Variants in TASOR2 observed in about 807,000 individuals in gnomAD.
The protein encoded by TASOR2 is transcription activation suppressor family member 2.
Under a neutral mutation model 199.5 loss-of-function variants are expected in TASOR2, and 84 were observed. The observed-to-expected ratio is 0.42, with a 90% CI of 0.35 to 0.50. The LOEUF is 0.50. TASOR2 is among the 20% of genes least tolerant of loss of function. TASOR2 has a pLI of 0.02. For synonymous variants in TASOR2, 1,103 were observed against 1,046.6 expected, an observed-to-expected ratio of 1.05 and a Z score of -1.04; for missense variants, 2,796 against 2,835.9, an observed-to-expected ratio of 0.99 and a Z score of 0.32.
chr10:5,740,425 A>T lies in TASOR2; in HGVS notation c.2255A>T (p.Glu752Val). 6.2e-7 allele frequency: 1 copy of T among 1,614,166 alleles called. No individual in the cohort carries two copies. Among genetic ancestry groups the T allele is most frequent in the Non-Finnish European group, 8.5e-7 (1 of 1,180,044 alleles). ...AAGATCACTTTCAAATGTGAAACAG[A>T]ATATGCATTCAGTTTAGACAGCAAA... The change falls in exon 13 of 21, where the codon GAA becomes GTA. Residue 752 changes from glutamate (E) to valine (V), a missense_variant. Physicochemically the swap from Glu to Val is moderately radical, Grantham distance 121. Around this residue, in one of 3 missense-constraint regions of TASOR2, gnomAD observed 847 missense variants for 887.4 expected, o/e 0.95. Coordinates refer to ENST00000328090, the Ensembl canonical transcript of TASOR2. This position sits in a 1 kb window ranked among gnomAD's most constrained non-coding sequence, Gnocchi z 5.3.
intron 1 of TASOR2, among the ~76,000 whole-genome samples, chr10:5,702,681 G>A (rs1186079291): frequency 6.6e-5 from 8 of 121,618 alleles, no homozygotes; most frequent in African/African-American, 1.9e-4. Context: ...GGATAGATAC[G>A]ACAGCCAAAA....
At position 5,702,573 on chromosome 10, in the gene TASOR2, C is replaced by G. The variant is rs1838001418; in HGVS notation, c.-287-10250C>G. 2.0e-5 allele frequency among the ~76,000 whole-genome samples: 3 copies of G among 147,660 alleles called. No individual in the cohort carries two copies. The Admixed American group carries it at 2.0e-4, about 10-fold the overall frequency. On this transcript the variant is annotated intron_variant, in intron 1 of 20. Transcript: ENST00000328090. ...GAATCCAGCAGTGAAGCTATAAGGT[C>G]TTGGGCTTTTCTTTAATGGAAGAGT... is the stretch of plus-strand genomic sequence containing the variant.
At position 5,685,548 on chromosome 10, in the gene TASOR2, C is replaced by A. The variant is rs1413696668; in HGVS notation, c.-288+373C>A. 6.6e-6 allele frequency among the ~76,000 whole-genome samples: 1 copy of A among 152,184 alleles called. No homozygotes were observed. The highest frequency in any genetic ancestry group is 1.5e-5 in the Non-Finnish European group (1 of 68,030). On this transcript the variant is annotated intron_variant, in intron 1 of 20. Coordinates refer to ENST00000328090, the Ensembl canonical transcript of TASOR2. This position sits in a 1 kb window ranked among gnomAD's most constrained non-coding sequence, Gnocchi z 5.4. Reference sequence around the variant, plus strand: ...GTTTGCACCGGCTGGGAAATCATTTCCTGCGGGTTCTGCGTGAAGCCTGCT... The same window carrying A: ...GTTTGCACCGGCTGGGAAATCATTTACTGCGGGTTCTGCGTGAAGCCTGCT...
At chr10:5,691,975 T>G (rs945468467) in intron 1 of TASOR2, among the ~76,000 whole-genome samples, 4 of 152,122 alleles carry the variant, frequency 2.6e-5, no homozygotes, top group Admixed American at 2.0e-4. Flanking sequence ...GTCAGGAGTT[T>G]GAGACCAGCC....
chr10:5,707,003 CA>C (rs5782855), intron 1 of TASOR2, among the ~76,000 whole-genome samples: 11 of 147,158 alleles, frequency 7.5e-5, no homozygotes, highest in Non-Finnish European at 7.5e-5. Flanking sequence ...GACTCCGTCT[CA>C]AAAAAAAAAA....
chr10:5,747,137 A>G, exon 15 of TASOR2: 1 of 1,614,148 alleles, frequency 6.2e-7, no homozygotes, highest in Non-Finnish European at 8.5e-7. Context: ...GAACTAAGGA[A>G]GAATCACAAG....
intron 14 of TASOR2, chr10:5,744,072 G>A (rs182946347): frequency 6.6e-6 from 1 of 152,252 alleles, no homozygotes; most frequent in African/African-American, 2.4e-5. Flanking sequence ...CACTTTACCT[G>A]TAGTAAAAAT....
At chr10:5,717,074 C>T (rs187406817) in intron 2 of TASOR2, among the ~76,000 whole-genome samples, 3 of 147,694 alleles carry the variant, frequency 2.0e-5, no homozygotes, top group Admixed American at 2.0e-4. Context: ...TACAATCTTA[C>T]GATTTCATTG....
intron 14 of TASOR2, among the ~76,000 whole-genome samples, chr10:5,745,094 A>G (rs1216378451): frequency 6.6e-6 from 1 of 152,240 alleles, no homozygotes; most frequent in African/African-American, 2.4e-5. Context: ...CGACAAGGCC[A>G]TGCTTGAGGC....
rs1462211312 is a variant in TASOR2 at position 5,737,520 on chromosome 10, C to T, written c.1447+1974C>T. 6.6e-6 allele frequency among the ~76,000 whole-genome samples: 1 copy of T among 151,918 alleles called. No homozygotes were observed. Among genetic ancestry groups the T allele is most frequent in the East Asian group, 1.9e-4 (1 of 5,138 alleles). On this transcript the variant is annotated intron_variant, in intron 12 of 20. Coordinates refer to ENST00000328090, the Ensembl canonical transcript of TASOR2. This position sits in a 1 kb window ranked among gnomAD's most constrained non-coding sequence, Gnocchi z 4.9. The stretch of plus-strand genomic sequence containing the variant: ...CTGCTGTTGCCACCGTGCTCCTTCC[C>T]CTGCGGCCCTCTGTGCCTCCCCCAG...
At chr10:5,714,086 AT>A in intron 2 of TASOR2, 48 bp from the exon 3 acceptor site, 1 of 1,014,846 alleles carries the variant, frequency 9.9e-7, no homozygotes, top group Non-Finnish European at 1.3e-6. Context: ...AGATTATAGC[AT>A]TTTTTCATTG....
At chr10:5,761,547 T>G in intron 19 of TASOR2, 76 bp downstream of exon 20, 2 of 1,319,620 alleles carry the variant, frequency 1.5e-6, no homozygotes, top group East Asian at 2.3e-5. Context: ...AGATACCTGA[T>G]GAAGAGTATC....
rs1232182750 is a variant in TASOR2, at chr10:5,750,071, T to C, written c.6606+44T>C. 3 of 1,519,668 alleles carry C rather than the reference T, an allele frequency of 2.0e-6. No individual in the cohort carries two copies. The highest frequency in any genetic ancestry group is 2.6e-6 in the Non-Finnish European group (3 of 1,137,898). The allele number at this position is 1,519,668 out of a possible 1,614,324, so 94.1% of individuals were successfully genotyped here. A position where few individuals can be genotyped will look rare whatever the true frequency, so the allele number is the denominator to read the frequency against. ...CTTACGTATTATTTTAATTGCTGAT[T>C]TTAGTTTTAGAAATAATAAATTTAG... On this transcript the variant is annotated intron_variant, in intron 15 of 20. Transcript: ENST00000328090. The surrounding 1 kb of genome is among the most constrained non-coding windows in gnomAD (Gnocchi z 5.4).
chr10:5,703,133 A>T (rs1838109401), intron 1 of TASOR2, among the ~76,000 whole-genome samples: 1 of 152,198 alleles, frequency 6.6e-6, no homozygotes, highest in Admixed American at 6.5e-5. Flanking sequence ...TAATCAGTAA[A>T]TGAAAAAGGA....
exon 15 of TASOR2, chr10:5,746,584 A>G (rs751453607): frequency 3.1e-6 from 5 of 1,614,004 alleles, no homozygotes; most frequent in Non-Finnish European, 4.2e-6. Context: ...AATTACTCTC[A>G]CCTTTGAAAA....
chr10:5,737,773 T>C lies in TASOR2; in HGVS notation c.1448-1845T>C, dbSNP rs1334310689. 6.6e-6 allele frequency among the ~76,000 whole-genome samples: 1 copy of C among 152,226 alleles called. No homozygotes were observed. ...GTTCCTAGCAGTGTCATTTGCATTC[T>C]TTGTACTGAATTGGCTTCAGATGTT... On this transcript the variant is annotated intron_variant, in intron 12 of 20. Coordinates refer to ENST00000328090, the Ensembl canonical transcript of TASOR2. The surrounding 1 kb of genome is among the most constrained non-coding windows in gnomAD (Gnocchi z 4.9).
intron 1 of TASOR2, among the ~76,000 whole-genome samples, chr10:5,700,248 T>G (rs1837647570): frequency 1.3e-5 from 2 of 152,142 alleles, no homozygotes; most frequent in African/African-American, 4.8e-5. Context: ...GTTGCATCAG[T>G]GTTGCTGAAA....
At chr10:5,729,339 C>CTT (rs72507173) in intron 10 of TASOR2, among the ~76,000 whole-genome samples, 2 of 76 alleles carry the variant, frequency 0.026, no homozygotes, top group African/African-American at 0.056. Flanking sequence ...CAGAGCAAGA[C>CTT]TGAGTTAAAA....
In TASOR2 at chr10:5,740,019, G is replaced by T; in HGVS notation, c.1849G>T (p.Glu617Ter). ...ATCAGACTTAACAGTTAGCCAAGAT[G>T]AAGAAAGCTTGGTTCCTTGTAGTCA... is the stretch of plus-strand genomic sequence containing the variant. Residue 617 changes from glutamate (E) to a stop codon, truncating the protein, a stop_gained, in exon 13 of 21, where the codon GAA becomes TAA. Transcript: ENST00000328090. LOFTEE classifies it high-confidence loss of function. This position sits in a 1 kb window ranked among gnomAD's most constrained non-coding sequence, Gnocchi z 5.3. 6.2e-7 allele frequency: 1 copy of T among 1,614,084 alleles called. No individual in the cohort carries two copies.
Sources: gnomAD v4.1 joint callset for allele counts (sites outside exome capture counted in the v4.1 genomes callset) on GRCh38, gnomAD v4.1.1 for gene constraint, gnomAD v4.1.1 regional missense constraint, Gnocchi (gnomAD v3.1) non-coding constraint, MANE v1.5 for transcripts, NCBI Gene and HGNC (gene_info 2026-07-23, HGNC 2026-07-21) for gene names.